The following ADGRV1 variants were observed in gnomAD, a reference collection of about 807,000 sequenced individuals.
The protein encoded by ADGRV1 is adhesion G protein-coupled receptor V1, also known as G-protein coupled receptor 98.
In ADGRV1, 359 loss-of-function variants were observed where a neutral mutation model predicts 596.2. The ratio of observed to expected loss-of-function variants is 0.60; its 90% CI spans 0.55 to 0.66. The LOEUF (loss-of-function observed/expected upper bound fraction) is 0.66. Among genes scored for constraint, ADGRV1 ranks in the 30% least tolerant of loss-of-function variants. The pLI is 0.00. For synonymous variants in ADGRV1, 2,681 were observed against 2,679.2 expected (o/e 1.00, Z -0.02); for missense variants, 7,274 against 7,575.6 (o/e 0.96, Z 1.48).
At chr5:90,768,663 G>A (rs1757390038) in intron 59 of ADGRV1, among the ~76,000 whole-genome samples, 1 of 152,130 alleles carries the variant, frequency 6.6e-6, no homozygotes, top group Non-Finnish European at 1.5e-5. Context: ...TTGGTAACAG[G>A]GCAAAGTCCT....
Position 90,789,682 on chromosome 5 carries a change from CTGT to C in ADGRV1, c.13894-15_13894-13del. Reference sequence around the variant, plus strand: ...CCTATTGTTTTATAAATTATTTTCTCTGTTGTTTATATTTTTTAGATACAAGAG... The same window carrying C: ...CCTATTGTTTTATAAATTATTTTCTCTGTTTATATTTTTTAGATACAAGAG... On this transcript the variant is annotated splice_polypyrimidine_tract_variant and intron_variant, in intron 68 of 89. Coordinates refer to ENST00000405460, the MANE Select transcript of ADGRV1 (RefSeq NM_032119.4). 6.9e-7 allele frequency: 1 copy of C among 1,440,026 alleles called. No individual in the cohort carries two copies. 89.2% of individuals were successfully genotyped at this position (1,440,026 alleles called of 1,614,324 possible). A position where few individuals can be genotyped will look rare whatever the true frequency, so the allele number is the denominator to read the frequency against.
chr5:90,776,330 C>T, intron 60 of ADGRV1, 123 bp from the exon 61 acceptor site: 1 of 907,696 alleles, frequency 1.1e-6, no homozygotes, highest in Non-Finnish European at 1.8e-6. Flanking sequence ...TAATACCTTA[C>T]TGATATGAGA....
intron 48 of ADGRV1, among the ~76,000 whole-genome samples, chr5:90,726,102 A>G (rs1179350124): frequency 6.6e-6 from 1 of 152,208 alleles, no homozygotes; most frequent in East Asian, 1.9e-4. Flanking sequence ...ATGCTTCACA[A>G]TTCCATTTTC....
Position 90,811,341 on chromosome 5 carries a change from A to G in ADGRV1, c.16078+3A>G. ...TTTTGCCATGGTTATTATTACAGGTATATCTTTGAAATGATGGAGATAAAA... is the reference window on the plus strand; with the variant it reads ...TTTTGCCATGGTTATTATTACAGGTGTATCTTTGAAATGATGGAGATAAAA... On this transcript the variant is annotated splice_donor_region_variant and intron_variant, in intron 74 of 89. Transcript: ENST00000405460. The G allele has an allele frequency of 1.3e-6, 2 of 1,576,810 alleles. No individual in the cohort carries two copies. Among genetic ancestry groups the G allele is most frequent in the Non-Finnish European group, 1.7e-6 (2 of 1,162,694 alleles).
At chr5:90,830,421 G>A (rs542811702) in intron 77 of ADGRV1, among the ~76,000 whole-genome samples, 7 of 152,094 alleles carry the variant, frequency 4.6e-5, no homozygotes, top group Admixed American at 1.3e-4. Context: ...AATGTATATC[G>A]TTATAACTTA....
Position 90,999,205 on chromosome 5 carries a change from C to T in ADGRV1, c.18152+13683C>T, listed in dbSNP as rs17571127. Among the ~76,000 whole-genome samples the T allele has an allele frequency of 7.5e-3, 1,138 of 152,022 alleles. 12 individuals carry two copies. Among genetic ancestry groups the T allele is most frequent in the Admixed American group, 0.019 (286 of 15,266 alleles). ...TATTTCTCTATTAACACATCTTTCTCCTATCTATTTTTAAGGAAATTTACA... is the reference window on the plus strand; with the variant it reads ...TATTTCTCTATTAACACATCTTTCTTCTATCTATTTTTAAGGAAATTTACA... On this transcript the variant is annotated intron_variant, in intron 85 of 89. Coordinates refer to ENST00000405460, the MANE Select transcript of ADGRV1 (RefSeq NM_032119.4).
rs1022531603 is a variant in ADGRV1 at position 90,972,348 on chromosome 5, G to A, written c.17973+6817G>A. On this transcript the variant is annotated intron_variant, in intron 84 of 89. Transcript: ENST00000405460. ...AATTGAACTCAGCTCTGCACCAAGCGGATCTAATAGACATCTACAGAACTC... is the reference window on the plus strand; with the variant it reads ...AATTGAACTCAGCTCTGCACCAAGCAGATCTAATAGACATCTACAGAACTC... Among the ~76,000 whole-genome samples, 216 of 152,122 alleles carry A rather than the reference G, an allele frequency of 1.4e-3. 1 individual carries two copies. Among genetic ancestry groups the A allele is most frequent in the African/African-American group, 4.7e-3 (194 of 41,486 alleles).
At chr5:90,571,300 A>G (rs544189503) in intron 1 of ADGRV1, among the ~76,000 whole-genome samples, 8 of 152,046 alleles carry the variant, frequency 5.3e-5, no homozygotes, top group African/African-American at 1.7e-4. Context: ...AAAATTTTCA[A>G]CTCTGCCTAA....
intron 1 of ADGRV1, among the ~76,000 whole-genome samples, chr5:90,587,375 C>T (rs949481212): frequency 6.6e-6 from 1 of 151,894 alleles, no homozygotes; most frequent in Non-Finnish European, 1.5e-5. Flanking sequence ...CCTTATGATC[C>T]TTATTGTTAT....
intron 50 of ADGRV1, among the ~76,000 whole-genome samples, chr5:90,731,321 A>G (rs1158337152): frequency 6.6e-6 from 1 of 152,152 alleles, no homozygotes; most frequent in Non-Finnish European, 1.5e-5. Flanking sequence ...CTCCTCTACT[A>G]TCACAAGAGC....
At chr5:90,759,262 G>A (rs1480652573) in intron 57 of ADGRV1, 147 bp from the exon 58 acceptor site, 2 of 594,462 alleles carry the variant, frequency 3.4e-6, no homozygotes, top group East Asian at 2.8e-5. Context: ...CTACTTTTTA[G>A]TACCATGTTT....
chr5:90,724,718 A>G (rs1399781293), intron 45 of ADGRV1, 114 bp from the exon 46 acceptor site: 13 of 912,390 alleles, frequency 1.4e-5, no homozygotes, highest in African/African-American at 5.0e-5. Flanking sequence ...ACGTCATGAA[A>G]GAATTTTCAT....
intron 82 of ADGRV1, among the ~76,000 whole-genome samples, chr5:90,857,261 T>C (rs1478476017): frequency 6.6e-6 from 1 of 152,072 alleles, no homozygotes; most frequent in Non-Finnish European, 1.5e-5. Flanking sequence ...TATAGAATGA[T>C]GAAATAAAAT....
In ADGRV1 at chr5:90,689,931, A is replaced by G. The variant is rs2149616013; in HGVS notation, c.6561A>G (p.Ile2187Met). Residue 2187 changes from isoleucine to methionine, a missense_variant, in exon 30 of 90, where the codon ATA (isoleucine) becomes ATG (methionine). Around this residue, in one of 5 missense-constraint regions of ADGRV1, gnomAD observed 3,643 missense variants for 3,809.2 expected, o/e 0.96. Transcript: ENST00000405460. ...LEGETSKAVP[I>M]YVINDIYPEL... is the part of the protein sequence containing the mutation. ...GGGAAACCAGTAAAGCCGTGCCAAT[A>G]TATGTCATTAATGATATCTATCCTG... The G allele has an allele frequency of 6.2e-7, 1 of 1,613,186 alleles. No homozygotes were observed. Among genetic ancestry groups the G allele is most frequent in the Non-Finnish European group, 8.5e-7 (1 of 1,179,482 alleles).
chr5:90,823,920 T>C (rs964636495), intron 76 of ADGRV1, among the ~76,000 whole-genome samples: 5 of 152,348 alleles, frequency 3.3e-5, no homozygotes, highest in Middle Eastern at 3.4e-3. Context: ...TATTCACAAT[T>C]CTTTTTGTTA....
chr5:90,622,596 G>T lies in ADGRV1; in HGVS notation c.454-1G>T. 7.0e-7 allele frequency: 1 copy of T among 1,422,138 alleles called. No homozygotes were observed. The highest frequency in any genetic ancestry group is 9.3e-7 in the Non-Finnish European group (1 of 1,079,432). The allele number at this position is 1,422,138 out of a possible 1,614,324, so 88.1% of individuals were successfully genotyped here. A position where few individuals can be genotyped will look rare whatever the true frequency, so the allele number is the denominator to read the frequency against. On this transcript the variant is annotated splice_acceptor_variant, in intron 4 of 89. Transcript: ENST00000405460. LOFTEE classifies it high-confidence loss of function. ...TCATCTGTGCTTGCTTTCCTCAATA[G>T]CTTCCCTCAATCGCAGTGAGTGAGC...
intron 1 of ADGRV1, among the ~76,000 whole-genome samples, chr5:90,590,055 A>G (rs929437454): frequency 6.6e-6 from 1 of 152,122 alleles, no homozygotes; most frequent in Admixed American, 6.5e-5. Flanking sequence ...ATACCTTGAT[A>G]TTTTATGATA....
At chr5:90,670,681 T>G (rs1376680873) in intron 21 of ADGRV1, among the ~76,000 whole-genome samples, 2 of 152,040 alleles carry the variant, frequency 1.3e-5, no homozygotes, top group African/African-American at 4.8e-5. Context: ...GAGCTCCCTC[T>G]TACCAAGACT....
At chr5:90,699,792 G>A (rs1747664763) in intron 34 of ADGRV1, among the ~76,000 whole-genome samples, 2 of 152,090 alleles carry the variant, frequency 1.3e-5, no homozygotes, top group Non-Finnish European at 2.9e-5. Context: ...AACTTCACCT[G>A]AAAACAATAT....
Sources: gnomAD v4.1 joint callset for allele counts (sites outside exome capture counted in the v4.1 genomes callset) on GRCh38, gnomAD v4.1.1 for gene constraint, gnomAD v4.1.1 regional missense constraint, MANE v1.5 for transcripts, NCBI Gene and HGNC (gene_info 2026-07-23, HGNC 2026-07-21) for gene names.